Variants in CAAP1 observed in about 807,000 individuals in gnomAD.
CAAP1 encodes the protein caspase activity and apoptosis inhibitor 1, also known as conserved anti-apoptotic protein.
Under a neutral mutation model 34.0 loss-of-function variants are expected in CAAP1, and 20 were observed. That is an observed-to-expected ratio of 0.59 (90% CI 0.41 to 0.86). The LOEUF is 0.86. Among genes scored for constraint, CAAP1 ranks in the 40% least tolerant of loss-of-function variants. The pLI is 0.00. For missense variants in CAAP1, 538 were observed against 450.5 expected, an observed-to-expected ratio of 1.19 and a Z score of -1.76; for synonymous variants, 213 against 166.7, an observed-to-expected ratio of 1.28 and a Z score of -2.14.
rs1171628621 is a variant in CAAP1 at position 26,847,198 on chromosome 9, A to ATTTTTTTTTTTTTTTTTTTTTTTTTTT, written c.740-4578_740-4552dup. Among the ~76,000 whole-genome samples the ATTTTTTTTTTTTTTTTTTTTTTTTTTT allele has an allele frequency of 8.6e-5, 3 of 34,708 alleles. 1 individual carries two copies. Among genetic ancestry groups the ATTTTTTTTTTTTTTTTTTTTTTTTTTT allele is most frequent in the Non-Finnish European group, 1.5e-4 (3 of 20,060 alleles). The allele number at this position is 34,708 out of a possible 152,430, so 22.8% of individuals were successfully genotyped here. On this transcript the variant is annotated intron_variant, in intron 5 of 5. Coordinates refer to ENST00000333916, the MANE Select transcript of CAAP1 (RefSeq NM_024828.4). ...TTTTTACTAGTAAGTAAAAAGCAAT[A>ATTTTTTTTTTTTTTTTTTTTTTTTTTT]TTTTTTTTTTTTTTTTTTTTTTTTT...
intron 1 of CAAP1, among the ~76,000 whole-genome samples, chr9:26,887,978 T>C (rs13302762): frequency 0.23 from 34,248 of 152,158 alleles, 4,436 homozygotes; most frequent in Admixed American, 0.28. Context: ...TTTATAATCA[T>C]AATCAAAGTA....
chr9:26,852,594 G>A (rs1479060254), intron 5 of CAAP1, among the ~76,000 whole-genome samples: 3 of 152,154 alleles, frequency 2.0e-5, no homozygotes, highest in African/African-American at 4.8e-5. Context: ...CACTACTGGT[G>A]TAAATAAGTT....
chr9:26,870,215 C>G (rs1823241388), intron 4 of CAAP1, among the ~76,000 whole-genome samples: 1 of 151,818 alleles, frequency 6.6e-6, no homozygotes, highest in Admixed American at 6.6e-5. Context: ...AGGAAAAGTT[C>G]TATAGATTCT....
At position 26,870,766 on chromosome 9, in the gene CAAP1, G is replaced by A. The variant is rs117111051; in HGVS notation, c.666-9627C>T. On this transcript the variant is annotated intron_variant, in intron 4 of 5. Transcript: ENST00000333916. ...CAAGTAGACGGGAATATAGGCATGC[G>A]CCATCACACCCAGCTAATTTTTCTA... Among the ~76,000 whole-genome samples, 1,361 of 151,630 alleles carry A rather than the reference G, an allele frequency of 9.0e-3. 13 individuals are homozygous for A. Among genetic ancestry groups the A allele is most frequent in the Non-Finnish European group, 0.014 (929 of 67,880 alleles).
chr9:26,860,588 C>A (rs1385968826), intron 5 of CAAP1, among the ~76,000 whole-genome samples: 2 of 152,074 alleles, frequency 1.3e-5, no homozygotes, highest in African/African-American at 4.8e-5. Flanking sequence ...GTCAGGAGAT[C>A]TAGACCATCC....
At chr9:26,868,684 G>C (rs1254896714) in intron 4 of CAAP1, among the ~76,000 whole-genome samples, 1 of 152,114 alleles carries the variant, frequency 6.6e-6, no homozygotes, top group African/African-American at 2.4e-5. Flanking sequence ...GAGGATATAG[G>C]AACAAGTCAA....
rs1460797840 is a variant in CAAP1, at chr9:26,870,812, TCA to T, written c.666-9675_666-9674del. Among the ~76,000 whole-genome samples, 4 of 151,982 alleles carry T rather than the reference TCA, an allele frequency of 2.6e-5. No individual in the cohort carries two copies. The East Asian group carries it at 7.8e-4, about 30-fold the overall frequency. ...TTCTATTTTTAGAAGAGATGGGGTT[TCA>T]CCATGTTAGCTGGGGTGGTCTCAAA... On this transcript the variant is annotated intron_variant, in intron 4 of 5. Transcript: ENST00000333916.
chr9:26,873,725 T>A (rs921496680), intron 4 of CAAP1, among the ~76,000 whole-genome samples: 2 of 152,224 alleles, frequency 1.3e-5, no homozygotes, highest in Non-Finnish European at 2.9e-5. Context: ...ATTGTTGCGT[T>A]GTTAAGCGGT....
chr9:26,848,476 A>C (rs1474702868), intron 5 of CAAP1, among the ~76,000 whole-genome samples: 1 of 152,142 alleles, frequency 6.6e-6, no homozygotes, highest in Non-Finnish European at 1.5e-5. Flanking sequence ...AGATTACACC[A>C]CTGCACTCCA....
At position 26,892,729 on chromosome 9, in the gene CAAP1, C is replaced by T; in HGVS notation, c.-14G>A. On this transcript the variant is annotated 5_prime_UTR_variant, in exon 1 of 6. Coordinates refer to ENST00000333916, the MANE Select transcript of CAAP1 (RefSeq NM_024828.4). Reference sequence around the variant, plus strand: ...TTTCCCCGTCATGATCCCTCTGCTGCAACCATCGGAGGAAAGTCCGCTGTC... The same window carrying T: ...TTTCCCCGTCATGATCCCTCTGCTGTAACCATCGGAGGAAAGTCCGCTGTC... 6.4e-7 allele frequency: 1 copy of T among 1,569,256 alleles called. No individual in the cohort carries two copies. Among genetic ancestry groups the T allele is most frequent in the Middle Eastern group, 1.7e-4 (1 of 5,890 alleles).
intron 4 of CAAP1, 46 bp from the exon 5 acceptor site, chr9:26,861,185 C>T (rs971042399): frequency 7.2e-7 from 1 of 1,389,832 alleles, no homozygotes; most frequent in Non-Finnish European, 1.0e-6. Context: ...TATTTAATCA[C>T]ATAATATTTA....
At chr9:26,883,095 T>C (rs1823637955) in intron 4 of CAAP1, among the ~76,000 whole-genome samples, 1 of 152,188 alleles carries the variant, frequency 6.6e-6, no homozygotes, top group Admixed American at 6.5e-5. Flanking sequence ...CTGTAGACTT[T>C]TGAGTTAATG....
intron 1 of CAAP1, among the ~76,000 whole-genome samples, chr9:26,889,999 G>C (rs1823861796): frequency 6.6e-6 from 1 of 151,210 alleles, no homozygotes; most frequent in African/African-American, 2.4e-5. Context: ...TTTTTCATTA[G>C]AAGATGGGTT....
At chr9:26,863,043 A>G (rs1259701319) in intron 4 of CAAP1, among the ~76,000 whole-genome samples, 1 of 152,164 alleles carries the variant, frequency 6.6e-6, no homozygotes, top group Non-Finnish European at 1.5e-5. Flanking sequence ...GCAACATTGT[A>G]ATAAGTCTGA....
At position 26,892,798 on chromosome 9, in the gene CAAP1, G is replaced by A. The variant is rs558030743; in HGVS notation, c.-83C>T. 2.2e-4 allele frequency: 299 copies of A among 1,355,810 alleles called. No individual in the cohort carries two copies. Among genetic ancestry groups the A allele is most frequent in the Non-Finnish European group, 2.9e-4 (291 of 1,006,564 alleles). 84.0% of individuals were successfully genotyped at this position (1,355,810 alleles called of 1,614,324 possible). A position where few individuals can be genotyped will look rare whatever the true frequency, so the allele number is the denominator to read the frequency against. On this transcript the variant is annotated 5_prime_UTR_variant, in exon 1 of 6. Coordinates refer to ENST00000333916, the MANE Select transcript of CAAP1 (RefSeq NM_024828.4). The stretch of plus-strand genomic sequence containing the variant: ...CGACTCCTGCGGCCGTGGGCGGCAG[G>A]CACTGGCGTCGCAGGTTATGCGTCA...
chr9:26,890,877 G>A (rs1410730436), intron 1 of CAAP1, among the ~76,000 whole-genome samples: 1 of 152,104 alleles, frequency 6.6e-6, no homozygotes, highest in African/African-American at 2.4e-5. Flanking sequence ...CCCGGGAGGC[G>A]GAGCTTGCAG....
chr9:26,889,584 G>T (rs1172711368), intron 1 of CAAP1, among the ~76,000 whole-genome samples: 1 of 152,140 alleles, frequency 6.6e-6, no homozygotes. Flanking sequence ...GCCGGGCAGA[G>T]TGGCTCACAG....
At chr9:26,865,508 G>C (rs1213769290) in intron 4 of CAAP1, among the ~76,000 whole-genome samples, 1 of 148,968 alleles carries the variant, frequency 6.7e-6, no homozygotes, top group African/African-American at 2.5e-5. Flanking sequence ...TGGGCAACAA[G>C]AGAGAAACTA....
At chr9:26,863,772 T>TAAAAAA (rs57763346) in intron 4 of CAAP1, among the ~76,000 whole-genome samples, 2 of 111,984 alleles carry the variant, frequency 1.8e-5, no homozygotes, top group African/African-American at 3.2e-5. Context: ...CCGTTTAAAT[T>TAAAAAA]AAAAAAAAAA....
Sources: gnomAD v4.1 joint callset for allele counts (sites outside exome capture counted in the v4.1 genomes callset) on GRCh38, gnomAD v4.1.1 for gene constraint, MANE v1.5 for transcripts, NCBI Gene and HGNC (gene_info 2026-07-23, HGNC 2026-07-21) for gene names.